The following PAM variants were observed in gnomAD, a reference collection of about 807,000 sequenced individuals.
PAM encodes the protein peptidylglycine alpha-amidating monooxygenase.
In PAM, 72 loss-of-function variants were observed where a neutral mutation model predicts 122.1. The ratio of observed to expected loss-of-function variants is 0.59; its 90% confidence interval spans 0.49 to 0.72. The LOEUF is 0.72. Among genes scored for constraint, PAM ranks in the 30% least tolerant of loss-of-function variants. The probability of loss-of-function intolerance (pLI) is 0.00; values close to 1 mark genes in which losing one functional copy is unlikely to be tolerated. For synonymous variants in PAM, 389 were observed against 404.4 expected (o/e 0.96, Z 0.46); for missense variants, 1,106 against 1,183.7 (o/e 0.93, Z 0.96).
intron 1 of PAM, among the ~76,000 whole-genome samples, chr5:102,779,771 A>G (rs1268525855): frequency 2.0e-5 from 3 of 150,202 alleles, no homozygotes; most frequent in Non-Finnish European, 4.4e-5. Context: ...CAAACATCAG[A>G]CTCCAAGTTC....
intron 17 of PAM, among the ~76,000 whole-genome samples, chr5:103,004,223 T>C (rs1778253028): frequency 6.6e-6 from 1 of 152,202 alleles, no homozygotes; most frequent in South Asian, 2.1e-4. Context: ...TTTGAACCTG[T>C]TTCATTGGTG....
At chr5:102,948,325 C>A in intron 8 of PAM, 53 bp from the exon 9 acceptor site, 2 of 976,418 alleles carry the variant, frequency 2.0e-6, no homozygotes, top group Non-Finnish European at 3.3e-6. Context: ...TTTTCCAAAA[C>A]AGTCATTTTG....
At chr5:102,882,106 T>TAC (rs1791438676) in intron 3 of PAM, among the ~76,000 whole-genome samples, 1 of 87,386 alleles carries the variant, frequency 1.1e-5, no homozygotes, top group African/African-American at 4.4e-5. Context: ...TATATATATA[T>TAC]ATATACACCA....
intron 1 of PAM, among the ~76,000 whole-genome samples, chr5:102,796,539 G>C (rs1265770929): frequency 1.3e-5 from 2 of 152,122 alleles, no homozygotes; most frequent in African/African-American, 2.4e-5. Flanking sequence ...TCTCTTACCT[G>C]TTTATTGTCA....
chr5:102,974,305 C>G lies in PAM; in HGVS notation c.1352C>G (p.Ala451Gly), dbSNP rs1052389372. 2.5e-6 allele frequency: 4 copies of G among 1,613,776 alleles called. No individual in the cohort carries two copies. In the African/African-American group the frequency reaches 5.3e-5, roughly 22 times the overall value. Reference protein sequence around the residue: ...REGAEHERGNAILVRDRIHKF... With the variant: ...REGAEHERGNGILVRDRIHKF... The stretch of plus-strand genomic sequence containing the variant: ...GGTGCAGAACATGAGAGGGGTAATG[C>G]TATTCTTGTCAGAGACAGAATTCAC... The change falls in exon 15 of 26, where the codon GCT (alanine) becomes GGT (glycine). Residue 451 changes from alanine (A) to glycine (G), a missense_variant. By Grantham distance (60) the Ala-to-Gly change is moderately conservative. This residue lies in a region of PAM where 670 missense variants were observed against 690.3 expected (regional missense o/e 0.97). Transcript: ENST00000438793.
In PAM at chr5:103,010,771, A is replaced by C. The variant is rs151030837; in HGVS notation, c.2331+905A>C. Among the ~76,000 whole-genome samples the C allele has an allele frequency of 9.2e-4, 140 of 152,224 alleles. 1 individual carries two copies. Among genetic ancestry groups the C allele is most frequent in the African/African-American group, 3.3e-3 (137 of 41,552 alleles). ...TGCCTCAATATTATATTTTTAATTA[A>C]ATTTTAATTTTTAATTTTTGTGGTT... On this transcript the variant is annotated intron_variant, in intron 21 of 25. Coordinates refer to ENST00000438793, the MANE Select transcript of PAM (RefSeq NM_001177306.2).
chr5:102,831,460 C>T (rs1775421036), intron 1 of PAM, among the ~76,000 whole-genome samples: 1 of 149,948 alleles, frequency 6.7e-6, no homozygotes, highest in Non-Finnish European at 1.5e-5. Context: ...CAAAGTATGC[C>T]ATGAGCTTTT....
chr5:102,822,057 G>A (rs1389975215), intron 1 of PAM, among the ~76,000 whole-genome samples: 3 of 152,110 alleles, frequency 2.0e-5, no homozygotes, highest in Admixed American at 2.0e-4. Flanking sequence ...TAGTTGTAGT[G>A]GTGATGGGTT....
At chr5:102,955,091 C>T (rs1582134085) in intron 12 of PAM, among the ~76,000 whole-genome samples, 1 of 151,876 alleles carries the variant, frequency 6.6e-6, no homozygotes, top group East Asian at 1.9e-4. Context: ...ATTACTATTA[C>T]CGATTTTGCC....
intron 14 of PAM, among the ~76,000 whole-genome samples, chr5:102,970,514 G>A (rs1246955320): frequency 6.6e-6 from 1 of 152,192 alleles, no homozygotes; most frequent in African/African-American, 2.4e-5. Context: ...CAAGCCCTAA[G>A]TGAGTGTATG....
chr5:102,884,627 T>A (rs1792370452), intron 3 of PAM, among the ~76,000 whole-genome samples: 1 of 151,944 alleles, frequency 6.6e-6, no homozygotes, highest in South Asian at 2.1e-4. Flanking sequence ...TTTTCAGATT[T>A]ATGTAGTCTG....
intron 5 of PAM, among the ~76,000 whole-genome samples, chr5:102,919,136 T>C (rs758004126): frequency 4.6e-5 from 7 of 152,154 alleles, no homozygotes; most frequent in Non-Finnish European, 1.0e-4. Context: ...TACCATCTTA[T>C]GAAGCTTTAG....
At chr5:102,996,600 C>T (rs1032401691) in intron 16 of PAM, among the ~76,000 whole-genome samples, 1 of 152,122 alleles carries the variant, frequency 6.6e-6, no homozygotes, top group East Asian at 1.9e-4. Flanking sequence ...CCCCATGTAA[C>T]CGTCAGGGAC....
At chr5:102,825,491 T>A (rs943472299) in intron 1 of PAM, among the ~76,000 whole-genome samples, 1 of 152,202 alleles carries the variant, frequency 6.6e-6, no homozygotes, top group Non-Finnish European at 1.5e-5. Flanking sequence ...CAGATTTTAA[T>A]GTCAACATGC....
chr5:102,795,954 ATTTTT>A (rs939366412), intron 1 of PAM, among the ~76,000 whole-genome samples: 6 of 151,872 alleles, frequency 4.0e-5, no homozygotes, highest in Non-Finnish European at 5.9e-5. Flanking sequence ...ACCATGAGTT[ATTTTT>A]TTTAGTTTAT....
intron 23 of PAM, among the ~76,000 whole-genome samples, chr5:103,023,362 C>G (rs1166691698): frequency 1.3e-5 from 2 of 152,094 alleles, no homozygotes; most frequent in Non-Finnish European, 2.9e-5. Context: ...AATCCTTCTT[C>G]CAAAAGAAAC....
intron 1 of PAM, among the ~76,000 whole-genome samples, chr5:102,811,484 A>G (rs1195591025): frequency 1.3e-5 from 2 of 152,174 alleles, no homozygotes; most frequent in Non-Finnish European, 2.9e-5. Context: ...TAGAAGAGTC[A>G]TGTCATTAGA....
At chr5:102,765,255 G>C (rs1250022125) in intron 1 of PAM, among the ~76,000 whole-genome samples, 1 of 152,178 alleles carries the variant, frequency 6.6e-6, no homozygotes, top group Non-Finnish European at 1.5e-5. Flanking sequence ...GCCCTGCCAT[G>C]TATATATGTG....
At chr5:102,984,296 T>G (rs895927050) in intron 15 of PAM, among the ~76,000 whole-genome samples, 2 of 152,194 alleles carry the variant, frequency 1.3e-5, no homozygotes, top group African/African-American at 4.8e-5. Flanking sequence ...TAGACTGCCT[T>G]AATGGAGAGA....
Sources: gnomAD v4.1 joint callset for allele counts (sites outside exome capture counted in the v4.1 genomes callset) on GRCh38, gnomAD v4.1.1 for gene constraint, gnomAD v4.1.1 regional missense constraint, MANE v1.5 for transcripts, NCBI Gene and HGNC (gene_info 2026-07-23, HGNC 2026-07-21) for gene names.